LPP: variants seen among roughly 807,000 people sequenced by gnomAD.
The protein encoded by LPP is LIM domain containing preferred translocation partner in lipoma, also known as lipoma-preferred partner.
A neutral mutation model predicts 60.4 loss-of-function variants in LPP; 38 were observed. The ratio of observed to expected loss-of-function variants is 0.63; its 90% CI spans 0.49 to 0.83. LPP has a LOEUF of 0.83. Among genes scored for constraint, LPP ranks in the 40% least tolerant of loss-of-function variants. The pLI, the probability that LPP is intolerant of heterozygous loss-of-function variation, is 0.00. For missense variants in LPP, 902 were observed against 783.6 expected (o/e 1.15, Z -1.80); for synonymous variants, 328 against 290.8 (o/e 1.13, Z -1.30).
At chr3:188,261,068 A>G (rs551900894) in intron 2 of LPP, among the ~76,000 whole-genome samples, 2 of 152,232 alleles carry the variant, frequency 1.3e-5, no homozygotes, top group South Asian at 2.1e-4. Flanking sequence ...GCGAGACTCC[A>G]TGTTAAAAAA....
rs1577155275 is a variant in LPP, at chr3:188,182,730, T to C, written c.-190+28478T>C. Among the ~76,000 whole-genome samples the C allele has an allele frequency of 2.7e-5, 2 of 73,482 alleles. No homozygotes were observed. The highest frequency in any genetic ancestry group is 7.1e-5 in the Non-Finnish European group (2 of 28,090). 48.2% of individuals were successfully genotyped at this position (73,482 alleles called of 152,430 possible). On this transcript the variant is annotated intron_variant, in intron 1 of 11. Coordinates refer to ENST00000617246, the MANE Select transcript of LPP (RefSeq NM_001375462.1). This position sits in a 1 kb window ranked among gnomAD's most constrained non-coding sequence, Gnocchi z 4.4. ...GAATTGAATATATATATATAACATA[T>C]GCACATAATATATATACATATATGT... is the stretch of plus-strand genomic sequence containing the variant.
chr3:188,623,151 T>C (rs1272703856), intron 7 of LPP, among the ~76,000 whole-genome samples: 1 of 151,370 alleles, frequency 6.6e-6, no homozygotes, highest in African/African-American at 2.4e-5. Context: ...GCTTAAAGAG[T>C]GGCTCTTAAG....
Position 188,785,529 on chromosome 3 carries a change from TTCCATC to T in LPP, c.1410+25248_1410+25253del, listed in dbSNP as rs548841433. Among the ~76,000 whole-genome samples, 28 of 23,030 alleles carry T rather than the reference TTCCATC, an allele frequency of 1.2e-3. 8 individuals are homozygous for T. Among genetic ancestry groups the T allele is most frequent in the East Asian group, 0.012 (2 of 166 alleles). The allele number at this position is 23,030 out of a possible 152,430, so 15.1% of individuals were successfully genotyped here. A position where few individuals can be genotyped will look rare whatever the true frequency, so the allele number is the denominator to read the frequency against. On this transcript the variant is annotated intron_variant, in intron 9 of 11. Transcript: ENST00000617246. ...TCCATCATATATATATATATATATA[TTCCATC>T]ATATATATATATACACACACACACA... is the stretch of plus-strand genomic sequence containing the variant.
intron 7 of LPP, among the ~76,000 whole-genome samples, chr3:188,697,637 T>A (rs2149540411): frequency 6.6e-6 from 1 of 152,346 alleles, no homozygotes; most frequent in Non-Finnish European, 1.5e-5. Flanking sequence ...ATAAAGTATG[T>A]TTCCTGTTAT....
intron 1 of LPP, among the ~76,000 whole-genome samples, chr3:188,158,737 G>A (rs1250688762): frequency 6.6e-6 from 1 of 152,130 alleles, no homozygotes. Context: ...GTGAAATAAG[G>A]TTACACAACT....
At chr3:188,627,481 G>C (rs1847053055) in intron 7 of LPP, among the ~76,000 whole-genome samples, 3 of 152,056 alleles carry the variant, frequency 2.0e-5, no homozygotes, top group Admixed American at 2.0e-4. Flanking sequence ...ACAAAATAAA[G>C]CAGAGGTTGC....
At chr3:188,415,815 C>T (rs1338816147) in intron 4 of LPP, among the ~76,000 whole-genome samples, 1 of 151,618 alleles carries the variant, frequency 6.6e-6, no homozygotes, top group African/African-American at 2.4e-5. Context: ...AAAGAGGACG[C>T]AGCAAGAGTC....
chr3:188,235,786 TC>T (rs993555182), intron 2 of LPP, among the ~76,000 whole-genome samples: 1 of 152,122 alleles, frequency 6.6e-6, no homozygotes, highest in African/African-American at 2.4e-5. Flanking sequence ...CCAACCACCA[TC>T]CCCTATTGTC....
intron 9 of LPP, among the ~76,000 whole-genome samples, chr3:188,826,171 C>A (rs935663261): frequency 1.3e-5 from 2 of 152,166 alleles, no homozygotes; most frequent in Non-Finnish European, 2.9e-5. Flanking sequence ...TGTAGACTCT[C>A]CAGTGGACAG....
At chr3:188,784,011 C>T (rs898782297) in intron 9 of LPP, among the ~76,000 whole-genome samples, 3 of 151,958 alleles carry the variant, frequency 2.0e-5, no homozygotes, top group Non-Finnish European at 2.9e-5. Flanking sequence ...GTGAGATTTT[C>T]GTGCACCCAT....
intron 6 of LPP, among the ~76,000 whole-genome samples, chr3:188,582,154 C>CTATT (rs1836342429): frequency 9.8e-6 from 1 of 102,230 alleles, no homozygotes; most frequent in African/African-American, 4.0e-5. Flanking sequence ...TTTTCTTTTT[C>CTATT]TTTTTTTTTT....
At chr3:188,822,293 T>C (rs932823814) in intron 9 of LPP, among the ~76,000 whole-genome samples, 2 of 151,958 alleles carry the variant, frequency 1.3e-5, no homozygotes, top group African/African-American at 4.8e-5. Context: ...ACAAAAAAAA[T>C]TGAGCTACTT....
chr3:188,623,027 TAAAAA>T (rs747020083), intron 7 of LPP, among the ~76,000 whole-genome samples: 2 of 79,462 alleles, frequency 2.5e-5, no homozygotes, highest in East Asian at 1.3e-3. Context: ...GACTCCATCT[TAAAAA>T]AAAAAAAAAA....
At chr3:188,406,048 G>C in intron 3 of LPP, 64 bp from the exon 4 acceptor site, 1 of 1,384,484 alleles carries the variant, frequency 7.2e-7, no homozygotes, top group Non-Finnish European at 1.0e-6. Flanking sequence ...AAATAGCAAT[G>C]AAATGAGGAG....
chr3:188,433,543 T>C (rs1791480908), intron 4 of LPP, among the ~76,000 whole-genome samples: 1 of 149,004 alleles, frequency 6.7e-6, no homozygotes, highest in Non-Finnish European at 1.5e-5. Flanking sequence ...AATATTCTGA[T>C]AGTTTGCTGA....
At chr3:188,654,147 C>G (rs1278491092) in intron 7 of LPP, among the ~76,000 whole-genome samples, 6 of 152,196 alleles carry the variant, frequency 3.9e-5, no homozygotes, top group Admixed American at 3.9e-4. Flanking sequence ...GTTTATAGCT[C>G]TGTGGTTTAC....
At chr3:188,502,346 TTATTAA>T (rs1812175244) in intron 5 of LPP, among the ~76,000 whole-genome samples, 2 of 152,244 alleles carry the variant, frequency 1.3e-5, no homozygotes, top group Admixed American at 1.3e-4. Flanking sequence ...ATTGAGCCTC[TTATTAA>T]TATAATGTTC....
chr3:188,305,923 C>T (rs1330751682), intron 2 of LPP, among the ~76,000 whole-genome samples: 1 of 151,958 alleles, frequency 6.6e-6, no homozygotes, highest in East Asian at 1.9e-4. Context: ...CTCGTTGGTG[C>T]GGGGAGCATA....
intron 2 of LPP, among the ~76,000 whole-genome samples, chr3:188,336,541 C>T (rs966282203): frequency 2.0e-5 from 3 of 152,116 alleles, no homozygotes; most frequent in East Asian, 1.9e-4. Context: ...GATTCTTGAC[C>T]CCTGGATGTT....
Sources: allele counts gnomAD v4.1 joint callset (sites outside exome capture counted in the v4.1 genomes callset), GRCh38; gene constraint gnomAD v4.1.1; non-coding constraint Gnocchi (gnomAD v3.1); transcripts MANE v1.5; gene names NCBI Gene and HGNC (gene_info 2026-07-23, HGNC 2026-07-21).